The following ZNF729 variants were observed in gnomAD, a reference collection of about 807,000 sequenced individuals.
ZNF729 encodes the protein zinc finger protein 729.
A neutral mutation model predicts 12.2 loss-of-function variants in ZNF729; 15 were observed. That is an observed-to-expected ratio of 1.23 (90% CI 0.82 to 1.89). The LOEUF (loss-of-function observed/expected upper bound fraction) is 1.89, where lower values mean the gene tolerates loss of function less well. Among genes scored for constraint, ZNF729 ranks in the 40% most tolerant of loss-of-function variants. The probability of loss-of-function intolerance (pLI) is 0.00; values close to 1 mark genes in which losing one functional copy is unlikely to be tolerated. For synonymous variants in ZNF729, 492 were observed against 476.3 expected (o/e 1.03, Z -0.43); for missense variants, 1,540 against 1,456.7 (o/e 1.06, Z -0.93).
intron 3 of ZNF729, among the ~76,000 whole-genome samples, chr19:22,306,725 AGTTT>A (rs1365751431): frequency 6.6e-5 from 10 of 151,296 alleles, no homozygotes; most frequent in Admixed American, 5.3e-4. Context: ...TATATTTTCC[AGTTT>A]GTTATTAATA....
intron 3 of ZNF729, among the ~76,000 whole-genome samples, chr19:22,312,440 T>TTGTGTGTATGTGTGTGTGTGTG (rs756607431): frequency 3.5e-5 from 5 of 144,552 alleles, no homozygotes; most frequent in African/African-American, 1.1e-4. Context: ...TTGTCTGAAA[T>TTGTGTGTATGTGTGTGTGTGTG]TGTGTGTGTG....
chr19:22,315,606 A>C lies in ZNF729; in HGVS notation c.2189A>C (p.His730Pro). 6.2e-7 allele frequency: 1 copy of C among 1,609,336 alleles called. No individual in the cohort carries two copies. The highest frequency in any genetic ancestry group is 8.5e-7 in the Non-Finnish European group (1 of 1,179,110). The change falls in exon 4 of 4, where the codon CAT becomes CCT. Residue 730 changes from histidine to proline, a missense_variant. Physicochemically the swap from His to Pro is moderately conservative, Grantham distance 77. Transcript: ENST00000601693. ...AFKWSSKLTVHKVIHTAEKPC... is the reference protein window; with the variant it reads ...AFKWSSKLTVPKVIHTAEKPC... The stretch of plus-strand genomic sequence containing the variant: ...AAGTGGTCATCAAAACTTACTGTAC[A>C]TAAGGTAATTCATACTGCAGAGAAA...
At chr19:22,287,454 C>A (rs181468118) in intron 1 of ZNF729, among the ~76,000 whole-genome samples, 2 of 151,844 alleles carry the variant, frequency 1.3e-5, no homozygotes, top group Admixed American at 1.3e-4. Flanking sequence ...TTAGTAGAGA[C>A]GGGGGTTTCT....
chr19:22,312,715 G>T (rs1320350854), intron 3 of ZNF729, among the ~76,000 whole-genome samples: 6 of 151,866 alleles, frequency 4.0e-5, no homozygotes, highest in Admixed American at 6.6e-5. Flanking sequence ...TGGTTTTTTT[G>T]TTTGTTTGTT....
Position 22,316,626 on chromosome 19 carries a change from A to T in ZNF729, c.3209A>T (p.His1070Leu). The stretch of plus-strand genomic sequence containing the variant: ...AAACTTACTGAACATAAGGTAATTC[A>T]TACTGGAGAGAAACCCTGCAAATGT... ...SSKLTEHKVIHTGEKPCKCEE... is the reference protein window; with the variant it reads ...SSKLTEHKVILTGEKPCKCEE... Residue 1070 changes from histidine (H) to leucine (L), a missense_variant, in exon 4 of 4, where the codon CAT becomes CTT. By Grantham distance (99) the His-to-Leu change is moderately conservative. Coordinates refer to ENST00000601693, the MANE Select transcript of ZNF729 (RefSeq NM_001242680.2). The T allele has an allele frequency of 2.5e-6, 4 of 1,613,098 alleles. No homozygotes were observed. Among genetic ancestry groups the T allele is most frequent in the Non-Finnish European group, 3.4e-6 (4 of 1,179,786 alleles).
chr19:22,296,828 C>A (rs545772730), intron 1 of ZNF729, among the ~76,000 whole-genome samples: 20 of 152,122 alleles, frequency 1.3e-4, no homozygotes, highest in Non-Finnish European at 2.2e-4. Flanking sequence ...TAAATTTCCA[C>A]CTTAATTTTA....
At chr19:22,304,931 T>A in intron 3 of ZNF729, 148 bp downstream of exon 3, 1 of 750,016 alleles carries the variant, frequency 1.3e-6, no homozygotes, top group South Asian at 2.1e-5. Flanking sequence ...TGCTCTCACG[T>A]AGAGGCATCT....
intron 1 of ZNF729, among the ~76,000 whole-genome samples, chr19:22,288,474 C>T (rs937955471): frequency 9.9e-5 from 15 of 151,998 alleles, no homozygotes; most frequent in Admixed American, 8.5e-4. Flanking sequence ...AACTAAAATA[C>T]CCCCCATGGC....
chr19:22,289,252 G>A (rs1462043992), intron 1 of ZNF729, among the ~76,000 whole-genome samples: 1 of 139,616 alleles, frequency 7.2e-6, no homozygotes, highest in Non-Finnish European at 1.5e-5. Context: ...TTGAGACCAA[G>A]TCTCACTCTG....
intron 1 of ZNF729, among the ~76,000 whole-genome samples, chr19:22,290,844 G>A (rs1767022518): frequency 6.6e-6 from 1 of 151,944 alleles, no homozygotes; most frequent in Non-Finnish European, 1.5e-5. Context: ...TAATGGGAAG[G>A]GTATTTCTTT....
chr19:22,314,768 A>G lies in ZNF729; in HGVS notation c.1351A>G (p.Lys451Glu), dbSNP rs1350825602. 6.2e-7 allele frequency: 1 copy of G among 1,613,676 alleles called. No homozygotes were observed. The highest frequency in any genetic ancestry group is 2.2e-5 in the East Asian group (1 of 44,838). The change falls in exon 4 of 4, where the codon AAG (lysine) becomes GAG (glutamate). Residue 451 changes from lysine (K) to glutamate (E), a missense_variant. By Grantham distance (56) the Lys-to-Glu change is moderately conservative. Coordinates refer to ENST00000601693, the MANE Select transcript of ZNF729 (RefSeq NM_001242680.2). The stretch of plus-strand genomic sequence containing the variant: ...CAGTTCCTCAACCCTTATGAAACAT[A>G]AGATAATTCATACTGGGGAGAAACC... ...FNSSSTLMKH[K>E]IIHTGEKPYK...
chr19:22,295,545 C>T (rs1000308977), intron 1 of ZNF729, among the ~76,000 whole-genome samples: 3 of 152,006 alleles, frequency 2.0e-5, no homozygotes, highest in Admixed American at 2.0e-4. Context: ...CGACTACAGG[C>T]GCGCACCACT....
chr19:22,303,678 A>G, intron 1 of ZNF729, 80 bp from the exon 2 acceptor site: 2 of 1,363,748 alleles, frequency 1.5e-6, no homozygotes, highest in Non-Finnish European at 2.0e-6. Flanking sequence ...TTATTCTCTC[A>G]TTTCACCTTG....
In ZNF729 at chr19:22,314,457, C is replaced by A. The variant is rs763853823; in HGVS notation, c.1040C>A (p.Pro347His). 2.7e-5 allele frequency: 44 copies of A among 1,604,554 alleles called. 1 individual carries two copies. The African/African-American group carries it at 4.7e-4, about 17-fold the overall frequency. The change falls in exon 4 of 4, where the codon CCC (proline) becomes CAC (histidine). Residue 347 changes from proline to histidine, a missense_variant. Pro to His is a moderately conservative substitution (Grantham distance 77). Transcript: ENST00000601693. ...KHKIIHTGKK[P>H]YKREECGKAF... ...AAGATAATTCATACTGGAAAGAAAC[C>A]CTACAAGCGTGAAGAATGTGGCAAA...
At chr19:22,302,152 G>A (rs977802152) in intron 1 of ZNF729, among the ~76,000 whole-genome samples, 1 of 152,312 alleles carries the variant, frequency 6.6e-6, no homozygotes, top group East Asian at 1.9e-4. Context: ...CCTTTAGTTG[G>A]TACCCAGACA....
At chr19:22,306,653 TAA>T (rs1023651720) in intron 3 of ZNF729, among the ~76,000 whole-genome samples, 2 of 151,454 alleles carry the variant, frequency 1.3e-5, no homozygotes, top group Non-Finnish European at 2.9e-5. Context: ...TAAAATATCT[TAA>T]GATTAAATCA....
chr19:22,298,836 A>T (rs1968266293), intron 1 of ZNF729: 1 of 152,044 alleles, frequency 6.6e-6, no homozygotes, highest in African/African-American at 2.4e-5. Flanking sequence ...CTTTCATTTC[A>T]CTATGTTGGA....
At position 22,315,523 on chromosome 19, in the gene ZNF729, T is replaced by G. The variant is rs1968520285; in HGVS notation, c.2106T>G (p.His702Gln). 2 of 1,611,320 alleles carry G rather than the reference T, an allele frequency of 1.2e-6. No homozygotes were observed. The highest frequency in any genetic ancestry group is 1.7e-6 in the Non-Finnish European group (2 of 1,179,484). ...GCCATTTCTCAGCCCTTAGAAGACATAAGATAATTCATACTGGAGAGAAAC... is the reference window on the plus strand; with the variant it reads ...GCCATTTCTCAGCCCTTAGAAGACAGAAGATAATTCATACTGGAGAGAAAC... ...AFSHFSALRRHKIIHTGEKPY... is the reference protein window; with the variant it reads ...AFSHFSALRRQKIIHTGEKPY... Residue 702 changes from histidine to glutamine, a missense_variant, in exon 4 of 4, where the codon CAT becomes CAG. Transcript: ENST00000601693.
chr19:22,287,720 T>G (rs2145037433), intron 1 of ZNF729, among the ~76,000 whole-genome samples: 1 of 152,008 alleles, frequency 6.6e-6, no homozygotes, highest in Non-Finnish European at 1.5e-5. Flanking sequence ...AAGGAGAGTA[T>G]TATGTGTACT....
Sources: allele counts gnomAD v4.1 joint callset (sites outside exome capture counted in the v4.1 genomes callset), GRCh38; gene constraint gnomAD v4.1.1; transcripts MANE v1.5; gene names NCBI Gene and HGNC (gene_info 2026-07-23, HGNC 2026-07-21).